The following MMS22L variants were observed in gnomAD, a reference collection of about 807,000 sequenced individuals.
MMS22L encodes protein MMS22-like.
In MMS22L, 74 loss-of-function variants were observed where a neutral mutation model predicts 159.1. The ratio of observed to expected loss-of-function variants is 0.47; its 90% CI spans 0.39 to 0.56. MMS22L has a LOEUF of 0.56. Ranked by LOEUF, MMS22L falls within the 20% of genes least tolerant of loss-of-function variation. The pLI is 0.00. For synonymous variants in MMS22L, 517 were observed against 506.9 expected, an observed-to-expected ratio of 1.02 and a Z score of -0.27; for missense variants, 1,351 against 1,422.1, an observed-to-expected ratio of 0.95 and a Z score of 0.80.
At chr6:97,260,875 G>A (rs983323199) in intron 9 of MMS22L, 6 of 151,842 alleles carry the variant, frequency 4.0e-5, no homozygotes, top group Admixed American at 6.6e-5. Flanking sequence ...GGTGGTGGGA[G>A]AGGGTATGAG....
intron 9 of MMS22L, among the ~76,000 whole-genome samples, chr6:97,262,960 A>G (rs1814657865): frequency 6.6e-6 from 1 of 152,110 alleles, no homozygotes; most frequent in Non-Finnish European, 1.5e-5. Context: ...AAAATTGAGT[A>G]ATAGAAACCT....
At chr6:97,278,274 G>A (rs948792736) in intron 4 of MMS22L, among the ~76,000 whole-genome samples, 1 of 151,856 alleles carries the variant, frequency 6.6e-6, no homozygotes, top group Non-Finnish European at 1.5e-5. Context: ...GTGGTGGCAG[G>A]TGCCTATAAT....
At position 97,251,232 on chromosome 6, in the gene MMS22L, C is replaced by T. The variant is rs537811951; in HGVS notation, c.1119+3325G>A. On this transcript the variant is annotated intron_variant, in intron 10 of 24. Coordinates refer to ENST00000683635, the MANE Select transcript of MMS22L (RefSeq NM_001350599.2). Reference sequence around the variant, plus strand: ...CTACCAAAGACCTATTCGTAAGAGGCAATCCTTAGGAGAAATCTAATATCA... The same window carrying T: ...CTACCAAAGACCTATTCGTAAGAGGTAATCCTTAGGAGAAATCTAATATCA... Among the ~76,000 whole-genome samples, 4 of 152,278 alleles carry T rather than the reference C, an allele frequency of 2.6e-5. No homozygotes were observed. In the East Asian group the frequency reaches 7.7e-4, roughly 29 times the overall value.
intron 16 of MMS22L, among the ~76,000 whole-genome samples, chr6:97,181,635 T>TTG: frequency 6.6e-6 from 1 of 152,162 alleles, no homozygotes; most frequent in East Asian, 1.9e-4. Context: ...GAAAGGTCAC[T>TTG]TCAGTATGAT....
chr6:97,177,132 C>T (rs1804206062), intron 18 of MMS22L, among the ~76,000 whole-genome samples: 1 of 152,004 alleles, frequency 6.6e-6, no homozygotes, highest in Non-Finnish European at 1.5e-5. Flanking sequence ...AGCTTTTGGC[C>T]AACAGTTCTC....
At position 97,276,139 on chromosome 6, in the gene MMS22L, G is replaced by T. The variant is rs980984553; in HGVS notation, c.340+2710C>A. On this transcript the variant is annotated intron_variant, in intron 4 of 24. Coordinates refer to ENST00000683635, the MANE Select transcript of MMS22L (RefSeq NM_001350599.2). The stretch of plus-strand genomic sequence containing the variant: ...CTAGAACAAGAACTATACTCATCTG[G>T]CAGTAAGTAACTACATAGGGACTTC... Among the ~76,000 whole-genome samples, 4 of 152,230 alleles carry T rather than the reference G, an allele frequency of 2.6e-5. No individual in the cohort carries two copies. The South Asian group carries it at 8.3e-4, about 32-fold the overall frequency.
At chr6:97,216,627 A>C (rs898687214) in intron 14 of MMS22L, among the ~76,000 whole-genome samples, 2 of 152,210 alleles carry the variant, frequency 1.3e-5, no homozygotes, top group Non-Finnish European at 2.9e-5. Flanking sequence ...TATACTTACT[A>C]TGACAGCCTG....
chr6:97,232,881 A>C (rs540496149), intron 12 of MMS22L, among the ~76,000 whole-genome samples: 38 of 152,162 alleles, frequency 2.5e-4, no homozygotes, highest in African/African-American at 7.9e-4. Flanking sequence ...AAACATCCCA[A>C]ATTTCCTTTC....
At chr6:97,172,564 G>A (rs544985318) in intron 19 of MMS22L, among the ~76,000 whole-genome samples, 5 of 152,172 alleles carry the variant, frequency 3.3e-5, no homozygotes, top group Admixed American at 1.3e-4. Flanking sequence ...GTTATAGAAC[G>A]GGCATAGAAA....
At chr6:97,150,954 T>G (rs1456587336) in intron 23 of MMS22L, among the ~76,000 whole-genome samples, 1 of 152,202 alleles carries the variant, frequency 6.6e-6, no homozygotes, top group Non-Finnish European at 1.5e-5. Flanking sequence ...GCACTGTTAT[T>G]CTTATGAACA....
In MMS22L at chr6:97,231,665, A is replaced by G. The variant is rs67382668; in HGVS notation, c.1303-13T>C. The stretch of plus-strand genomic sequence containing the variant: ...TGAAGGAACTATTCTAAAAGGGGGG[A>G]AAAAAAAGATAGAAAACAATTATTA... On this transcript the variant is annotated splice_polypyrimidine_tract_variant and intron_variant, in intron 12 of 24. Transcript: ENST00000683635. 90 of 146,820 alleles carry G rather than the reference A, an allele frequency of 6.1e-4. No individual in the cohort carries two copies. The highest frequency in any genetic ancestry group is 9.0e-4 in the Non-Finnish European group (59 of 65,780). The allele number at this position is 146,820 out of a possible 1,614,324, so 9.1% of individuals were successfully genotyped here.
intron 20 of MMS22L, among the ~76,000 whole-genome samples, chr6:97,165,961 T>TA (rs1490517416): frequency 6.6e-6 from 1 of 152,142 alleles, no homozygotes; most frequent in Non-Finnish European, 1.5e-5. Flanking sequence ...ACAATTTACT[T>TA]AGTTTTCCTA....
chr6:97,174,714 C>A (rs931547442), intron 18 of MMS22L, among the ~76,000 whole-genome samples: 5 of 152,020 alleles, frequency 3.3e-5, no homozygotes, highest in Non-Finnish European at 7.4e-5. Flanking sequence ...GGTTTAGTCA[C>A]GGAAGTGGGT....
At chr6:97,186,423 C>A in intron 15 of MMS22L, 74 bp downstream of exon 15, 1 of 1,295,242 alleles carries the variant, frequency 7.7e-7, no homozygotes, top group Non-Finnish European at 1.1e-6. Context: ...GAGTTTGTTA[C>A]TAAGAAAATA....
chr6:97,148,001 C>T (rs1371299784), intron 24 of MMS22L, among the ~76,000 whole-genome samples: 1 of 152,096 alleles, frequency 6.6e-6, no homozygotes, highest in Non-Finnish European at 1.5e-5. Context: ...GACACACATG[C>T]ATATGATTAT....
intron 6 of MMS22L, chr6:97,271,810 T>A (rs1271032781): frequency 6.6e-6 from 1 of 152,184 alleles, no homozygotes; most frequent in Non-Finnish European, 1.5e-5. Context: ...TAGCTGGGAC[T>A]ACAAGGTATG....
intron 11 of MMS22L, among the ~76,000 whole-genome samples, chr6:97,237,960 C>T (rs1811586670): frequency 6.6e-6 from 1 of 152,090 alleles, no homozygotes; most frequent in Non-Finnish European, 1.5e-5. Context: ...ATTCATTTTA[C>T]CATGTAAAAT....
intron 11 of MMS22L, among the ~76,000 whole-genome samples, chr6:97,242,340 A>G (rs1812172550): frequency 6.6e-6 from 1 of 152,158 alleles, no homozygotes; most frequent in African/African-American, 2.4e-5. Flanking sequence ...TACTTTTATC[A>G]TTACATAATG....
At chr6:97,242,301 A>G (rs1324674739) in intron 11 of MMS22L, among the ~76,000 whole-genome samples, 1 of 152,096 alleles carries the variant, frequency 6.6e-6, no homozygotes, top group African/African-American at 2.4e-5. Context: ...TATGTTCCCT[A>G]TTTAGGATTG....
Sources: allele counts gnomAD v4.1 joint callset (sites outside exome capture counted in the v4.1 genomes callset), GRCh38; gene constraint gnomAD v4.1.1; transcripts MANE v1.5; gene names NCBI Gene and HGNC (gene_info 2026-07-23, HGNC 2026-07-21).